DMXL2: variants seen among roughly 807,000 people sequenced by gnomAD.
The protein encoded by DMXL2 is Dmx like 2.
Under a neutral mutation model 331.1 loss-of-function variants are expected in DMXL2, and 103 were observed. The observed-to-expected ratio is 0.31, with a 90% CI of 0.27 to 0.37. The LOEUF is 0.37. Ranked by LOEUF, DMXL2 falls within the 10% of genes least tolerant of loss-of-function variation. DMXL2 has a pLI of 1.00. For missense variants in DMXL2, 3,171 were observed against 3,642.9 expected, an observed-to-expected ratio of 0.87 and a Z score of 3.33; for synonymous variants, 1,281 against 1,252.1, an observed-to-expected ratio of 1.02 and a Z score of -0.49.
chr15:51,471,094 A>G (rs943114637), intron 29 of DMXL2, 129 bp downstream of exon 29: 11 of 817,812 alleles, frequency 1.3e-5, no homozygotes, highest in African/African-American at 3.4e-5. Flanking sequence ...TGGACTTAAT[A>G]AATTAAACGT....
At position 51,536,461 on chromosome 15, in the gene DMXL2, A is replaced by G. The variant is rs370202198; in HGVS notation, c.2019T>C (p.Ala673=). ...PLLLTSSHHN[A]LLTPELDCQW... Reference sequence around the variant, plus strand: ...GACAATCTAATTCAGGAGTCAATAGAGCATTATGATGAGAGGATGTCAATA... The same window carrying G: ...GACAATCTAATTCAGGAGTCAATAGGGCATTATGATGAGAGGATGTCAATA... The change falls in exon 12 of 44, where the codon GCT becomes GCC. Residue 673 remains alanine (A), a synonymous_variant. Transcript: ENST00000560891. The G allele has an allele frequency of 4.4e-5, 71 of 1,613,954 alleles. No homozygotes were observed. The highest frequency in any genetic ancestry group is 5.9e-5 in the Non-Finnish European group (70 of 1,179,990).
intron 22 of DMXL2, among the ~76,000 whole-genome samples, chr15:51,486,913 T>C (rs2042435890): frequency 6.6e-6 from 1 of 152,124 alleles, no homozygotes. Flanking sequence ...TCTTAAGTAT[T>C]TGTTATTTAA....
At position 51,547,337 on chromosome 15, in the gene DMXL2, A is replaced by G. The variant is rs902053703; in HGVS notation, c.639T>C (p.His213=). The change falls in exon 7 of 44, where the codon CAT becomes CAC. Residue 213 remains histidine (H), a synonymous_variant. Transcript: ENST00000560891. ...WKSSIIPQDH[H]EVKRRQSSTQ... ...TAGAGGACTGTCTCCTTTTTACTTC[A>G]TGATGATCCTGAGGTATAATTGAAG... The G allele has an allele frequency of 1.2e-6, 2 of 1,613,066 alleles. No homozygotes were observed. The highest frequency in any genetic ancestry group is 1.7e-6 in the Non-Finnish European group (2 of 1,179,314).
In DMXL2 at chr15:51,474,242, A is replaced by C. The variant is rs2041375735; in HGVS notation, c.7213+102T>G. On this transcript the variant is annotated intron_variant, in intron 28 of 43. Coordinates refer to ENST00000560891, the MANE Select transcript of DMXL2 (RefSeq NM_001378457.1). ...TAACAAGAGTGATTATACTTTAAGC[A>C]TCGCTTATTTTCAAAGTGAAATTTC... 5 of 1,105,170 alleles carry C rather than the reference A, an allele frequency of 4.5e-6. No homozygotes were observed. The African/African-American group carries it at 4.7e-5, about 10-fold the overall frequency. 68.5% of individuals were successfully genotyped at this position (1,105,170 alleles called of 1,614,324 possible). A position where few individuals can be genotyped will look rare whatever the true frequency, so the allele number is the denominator to read the frequency against.
intron 21 of DMXL2, 49 bp downstream of exon 21, chr15:51,488,499 A>G (rs1299131943): frequency 6.7e-7 from 1 of 1,486,814 alleles, no homozygotes; most frequent in South Asian, 1.2e-5. Flanking sequence ...TCTTACTCAC[A>G]GCACAATCTT....
intron 1 of DMXL2, among the ~76,000 whole-genome samples, chr15:51,612,401 C>T (rs966503819): frequency 9.6e-4 from 146 of 152,224 alleles, no homozygotes; most frequent in African/African-American, 3.1e-3. Flanking sequence ...GAAATTCACC[C>T]CCAATATTTC....
intron 1 of DMXL2, among the ~76,000 whole-genome samples, chr15:51,601,220 G>A (rs1040835842): frequency 2.7e-5 from 4 of 150,238 alleles, no homozygotes; most frequent in African/African-American, 9.8e-5. Context: ...GAACCTGGGA[G>A]GCGGAGCTTG....
chr15:51,499,910 C>A lies in DMXL2; in HGVS notation c.3314G>T (p.Cys1105Phe). 6.2e-7 allele frequency: 1 copy of A among 1,614,106 alleles called. No individual in the cohort carries two copies. Among genetic ancestry groups the A allele is most frequent in the South Asian group, 1.1e-5 (1 of 91,076 alleles). Residue 1105 changes from cysteine to phenylalanine, a missense_variant, in exon 18 of 44, where the codon TGT (cysteine) becomes TTT (phenylalanine). Physicochemically the swap from Cys to Phe is radical, Grantham distance 205. Coordinates refer to ENST00000560891, the MANE Select transcript of DMXL2 (RefSeq NM_001378457.1). ...FVSKEFSMHV[C>F]IFECESTGGS... is the part of the protein sequence containing the mutation. The stretch of plus-strand genomic sequence containing the variant: ...TCCTGTAGATTCACATTCAAATATA[C>A]AAACATGCATGGAAAATTCTTTAGA...
intron 15 of DMXL2, among the ~76,000 whole-genome samples, chr15:51,510,607 G>T (rs956483875): frequency 6.6e-6 from 1 of 151,994 alleles, no homozygotes; most frequent in African/African-American, 2.4e-5. Flanking sequence ...TGTGAAAATC[G>T]CCATACTGCC....
At chr15:51,494,874 T>C (rs2043063637) in intron 19 of DMXL2, 150 bp downstream of exon 19, 3 of 497,814 alleles carry the variant, frequency 6.0e-6, no homozygotes, top group Non-Finnish European at 1.1e-5. Flanking sequence ...AGAAAAATGG[T>C]AAGTGGGTAC....
intron 1 of DMXL2, among the ~76,000 whole-genome samples, chr15:51,606,868 A>G (rs1034428134): frequency 6.6e-6 from 1 of 152,178 alleles, no homozygotes; most frequent in Admixed American, 6.5e-5. Context: ...AAAAAGATAG[A>G]AAACATGGGG....
In DMXL2 at chr15:51,466,892, A is replaced by T. The variant is rs1215850916; in HGVS notation, c.7393-581T>A. Among the ~76,000 whole-genome samples, 7 of 151,964 alleles carry T rather than the reference A, an allele frequency of 4.6e-5. No homozygotes were observed. The South Asian group carries it at 8.3e-4, about 18-fold the overall frequency. On this transcript the variant is annotated intron_variant, in intron 29 of 43. Coordinates refer to ENST00000560891, the MANE Select transcript of DMXL2 (RefSeq NM_001378457.1). ...ATTAGCTGGGGAATTTTTTTTAAAT[A>T]AAAAAAATCCCATTTTTTTTAGTGG...
intron 23 of DMXL2, among the ~76,000 whole-genome samples, chr15:51,485,217 T>G (rs2042304826): frequency 6.6e-6 from 1 of 152,132 alleles, no homozygotes; most frequent in Non-Finnish European, 1.5e-5. Flanking sequence ...TCCCAAGTCT[T>G]GGGAAAGAGA....
chr15:51,552,357 C>A (rs978871048), intron 6 of DMXL2, among the ~76,000 whole-genome samples: 1 of 152,206 alleles, frequency 6.6e-6, no homozygotes, highest in Non-Finnish European at 1.5e-5. Context: ...TAAAGGTCTG[C>A]AGCCCCGAAG....
chr15:51,489,995 A>C (rs1374353577), intron 20 of DMXL2, among the ~76,000 whole-genome samples: 1 of 152,240 alleles, frequency 6.6e-6, no homozygotes, highest in Admixed American at 6.5e-5. Context: ...CATTTCAGAT[A>C]AAGTATGTCC....
intron 2 of DMXL2, among the ~76,000 whole-genome samples, chr15:51,570,749 T>C (rs1300938735): frequency 1.3e-5 from 2 of 152,152 alleles, no homozygotes; most frequent in African/African-American, 4.8e-5. Flanking sequence ...CTGAGAGATT[T>C]TGTCACCACC....
chr15:51,554,531 C>T (rs1457426636), intron 6 of DMXL2, among the ~76,000 whole-genome samples: 2 of 152,190 alleles, frequency 1.3e-5, no homozygotes, highest in Non-Finnish European at 2.9e-5. Flanking sequence ...GAGATACCCA[C>T]GCTTCTCAAG....
At chr15:51,474,662 T>G in intron 27 of DMXL2, 70 bp from the exon 28 acceptor site, 1 of 1,477,132 alleles carries the variant, frequency 6.8e-7, no homozygotes, top group East Asian at 2.4e-5. Flanking sequence ...CATCCAAATT[T>G]GCAACTTATC....
chr15:51,556,358 A>T (rs931979847), intron 6 of DMXL2, among the ~76,000 whole-genome samples: 1 of 132,798 alleles, frequency 7.5e-6, no homozygotes, highest in Non-Finnish European at 1.5e-5. Context: ...AAAAAAAGAA[A>T]AAAAAAAAAA....
Sources: gnomAD v4.1 joint callset for allele counts (sites outside exome capture counted in the v4.1 genomes callset) on GRCh38, gnomAD v4.1.1 for gene constraint, MANE v1.5 for transcripts, NCBI Gene and HGNC (gene_info 2026-07-23, HGNC 2026-07-21) for gene names.